Variants in C1QTNF6 observed in about 807,000 individuals in gnomAD.
C1QTNF6 encodes complement C1q tumor necrosis factor-related protein 6.
Under a neutral mutation model 20.7 loss-of-function variants are expected in C1QTNF6, and 17 were observed. The observed-to-expected ratio is 0.82, with a 90% CI of 0.56 to 1.23. C1QTNF6 has a LOEUF of 1.23. C1QTNF6 is among the 50% of genes most tolerant of loss of function. C1QTNF6 has a pLI of 0.00. For missense variants in C1QTNF6, 329 were observed against 389.7 expected, an observed-to-expected ratio of 0.84 and a Z score of 1.31; for synonymous variants, 130 against 156.3, an observed-to-expected ratio of 0.83 and a Z score of 1.25.
chr22:37,191,078 CT>C (rs918693909), upstream of C1QTNF6: 8 of 152,098 alleles, frequency 5.3e-5, no homozygotes, highest in African/African-American at 1.9e-4. Flanking sequence ...ATGATGTTTT[CT>C]TTTTCTCTGC....
At position 37,184,332 on chromosome 22, in the gene C1QTNF6, T is replaced by C. The variant is rs1439590798; in HGVS notation, c.289+886A>G. 1 of 716,500 alleles carries C rather than the reference T, an allele frequency of 1.4e-6. No homozygotes were observed. The highest frequency in any genetic ancestry group is 2.0e-5 in the Admixed American group (1 of 50,002). 44.4% of individuals were successfully genotyped at this position (716,500 alleles called of 1,614,324 possible). ...GCAAAGTGGGAGGAATAAGAAAATA[T>C]CGACCTCACGGGCTGTTGTGGGCAG... is the stretch of plus-strand genomic sequence containing the variant. On this transcript the variant is annotated intron_variant, in intron 2 of 2. Coordinates refer to ENST00000337843, the MANE Select transcript of C1QTNF6 (RefSeq NM_031910.4). This position sits in a 1 kb window ranked among gnomAD's most constrained non-coding sequence, Gnocchi z 4.0.
chr22:37,184,451 G>A lies in C1QTNF6; in HGVS notation c.289+767C>T, dbSNP rs1484354700. On this transcript the variant is annotated intron_variant, in intron 2 of 2. Coordinates refer to ENST00000337843, the MANE Select transcript of C1QTNF6 (RefSeq NM_031910.4). The surrounding 1 kb of genome is among the most constrained non-coding windows in gnomAD (Gnocchi z 4.0). ...TCCTTCCACGTCCTATTGAGAGAGC[G>A]GGTAGCCAGCCCGCACCTGGACGGC... 2.2e-5 allele frequency: 16 copies of A among 716,528 alleles called. No individual in the cohort carries two copies. The highest frequency in any genetic ancestry group is 3.4e-5 in the Non-Finnish European group (13 of 384,924). The allele number at this position is 716,528 out of a possible 1,614,324, so 44.4% of individuals were successfully genotyped here. A position where few individuals can be genotyped will look rare whatever the true frequency, so the allele number is the denominator to read the frequency against.
Position 37,182,167 on chromosome 22 carries a change from G to T in C1QTNF6, c.*21C>A. On this transcript the variant is annotated 3_prime_UTR_variant, in exon 3 of 3. Transcript: ENST00000337843. ...GGACCAGCACCTGAGCTCTCCAGCC[G>T]GGAGGGTGGCCCAGAGGCCCTCAGT... The T allele has an allele frequency of 1.3e-6, 2 of 1,593,100 alleles. No individual in the cohort carries two copies. The highest frequency in any genetic ancestry group is 1.1e-5 in the South Asian group (1 of 87,318).
At chr22:37,190,056 G>T (rs1159749521), upstream of C1QTNF6, among the ~76,000 whole-genome samples, 1 of 152,204 alleles carries the variant, frequency 6.6e-6, no homozygotes, top group Non-Finnish European at 1.5e-5. Context: ...AAGCAGTCAA[G>T]AGATGACTGT....
chr22:37,185,350 C>T lies in C1QTNF6; in HGVS notation c.157G>A (p.Ala53Thr), dbSNP rs1325295369. 5 of 1,613,664 alleles carry T rather than the reference C, an allele frequency of 3.1e-6. No individual in the cohort carries two copies. Among genetic ancestry groups the T allele is most frequent in the Admixed American group, 3.3e-5 (2 of 59,974 alleles). The stretch of plus-strand genomic sequence containing the variant: ...TCACAGCACCGTTGGCAGCCGCTGG[C>T]CACAGCTCTGTCAAAGGTGAGCTCC... The part of the protein sequence containing the change: ...MVELTFDRAV[A>T]SGCQRCCDSE... Residue 53 changes from alanine to threonine, a missense_variant, in exon 2 of 3, where the codon GCC (alanine) becomes ACC (threonine). Ala to Thr is a moderately conservative substitution (Grantham distance 58). Transcript: ENST00000337843.
upstream of C1QTNF6, among the ~76,000 whole-genome samples, chr22:37,191,374 T>C (rs1345436073): frequency 6.6e-6 from 1 of 152,194 alleles, no homozygotes; most frequent in African/African-American, 2.4e-5. Flanking sequence ...AACATATTTA[T>C]ATAAACACAG....
At position 37,184,184 on chromosome 22, in the gene C1QTNF6, G is replaced by C. The variant is rs1601627500; in HGVS notation, c.289+1034C>G. Reference sequence around the variant, plus strand: ...CGTCCTCACCACGAAATCAGAACAAGGGCAGGCCAGGTGCCAGGTGACCAC... The same window carrying C: ...CGTCCTCACCACGAAATCAGAACAACGGCAGGCCAGGTGCCAGGTGACCAC... On this transcript the variant is annotated intron_variant, in intron 2 of 2. Coordinates refer to ENST00000337843, the MANE Select transcript of C1QTNF6 (RefSeq NM_031910.4). This position sits in a 1 kb window ranked among gnomAD's most constrained non-coding sequence, Gnocchi z 4.0. 6.6e-6 allele frequency among the ~76,000 whole-genome samples: 1 copy of C among 152,150 alleles called. No individual in the cohort carries two copies. Among genetic ancestry groups the C allele is most frequent in the South Asian group, 2.1e-4 (1 of 4,832 alleles).
chr22:37,197,238 C>G (rs572812764), intron 1 of C1QTNF6: 2 of 152,382 alleles, frequency 1.3e-5, no homozygotes, highest in South Asian at 4.1e-4. Flanking sequence ...TCTACGTGGC[C>G]CTGCCCCAGG....
At chr22:37,192,999 A>G (rs2145780723), upstream of C1QTNF6, among the ~76,000 whole-genome samples, 1 of 152,296 alleles carries the variant, frequency 6.6e-6, no homozygotes, top group South Asian at 2.1e-4. Context: ...CTGGATCCCA[A>G]AGAGAGGGAA....
At chr22:37,196,090 G>A (rs1197005919) in intron 1 of C1QTNF6, 2 of 152,222 alleles carry the variant, frequency 1.3e-5, no homozygotes, top group Non-Finnish European at 2.9e-5. Flanking sequence ...GAGTGGCTCT[G>A]GTTCTAACAC....
In C1QTNF6 at chr22:37,184,576, G is replaced by A. The variant is rs1040012579; in HGVS notation, c.289+642C>T. 196 of 671,070 alleles carry A rather than the reference G, an allele frequency of 2.9e-4. 5 individuals carry two copies. Among genetic ancestry groups the A allele is most frequent in the South Asian group, 2.9e-3 (181 of 62,022 alleles). The allele number at this position is 671,070 out of a possible 1,614,324, so 41.6% of individuals were successfully genotyped here. A position where few individuals can be genotyped will look rare whatever the true frequency, so the allele number is the denominator to read the frequency against. Reference sequence around the variant, plus strand: ...GCCCTCACCTGGACAGGCCCCACAGGGCTGCATGCTCCGACCCTCGGCCCC... The same window carrying A: ...GCCCTCACCTGGACAGGCCCCACAGAGCTGCATGCTCCGACCCTCGGCCCC... On this transcript the variant is annotated intron_variant, in intron 2 of 2. Coordinates refer to ENST00000337843, the MANE Select transcript of C1QTNF6 (RefSeq NM_031910.4). This position sits in a 1 kb window ranked among gnomAD's most constrained non-coding sequence, Gnocchi z 4.0.
In C1QTNF6 at chr22:37,182,490, C is replaced by A. The variant is rs1230926968; in HGVS notation, c.535G>T (p.Ala179Ser). The change falls in exon 3 of 3, where the codon GCG becomes TCG. Residue 179 changes from alanine to serine, a missense_variant. Transcript: ENST00000337843. ...FVNLDGCFDM[A>S]TGQFAAPLRG... ...AGGGGAGCAGCAAACTGGCCGGTCG[C>A]CATGTCAAAGCACCCATCAAGGTTC... is the stretch of plus-strand genomic sequence containing the variant. 2 of 1,614,144 alleles carry A rather than the reference C, an allele frequency of 1.2e-6. No individual in the cohort carries two copies. Among genetic ancestry groups the A allele is most frequent in the South Asian group, 2.2e-5 (2 of 91,096 alleles).
At position 37,182,470 on chromosome 22, in the gene C1QTNF6, A is replaced by G; in HGVS notation, c.555T>C (p.Ala185=). ...CFDMATGQFA[A]PLRGIYFFSL... is the part of the protein sequence containing the mutation. ...TGAAGAAGTAGATGCCACGCAGGGGAGCAGCAAACTGGCCGGTCGCCATGT... is the reference window on the plus strand; with the variant it reads ...TGAAGAAGTAGATGCCACGCAGGGGGGCAGCAAACTGGCCGGTCGCCATGT... The change falls in exon 3 of 3, where the codon GCT becomes GCC. Residue 185 remains alanine, a synonymous_variant. Coordinates refer to ENST00000337843, the MANE Select transcript of C1QTNF6 (RefSeq NM_031910.4). 6.2e-7 allele frequency: 1 copy of G among 1,614,236 alleles called. No individual in the cohort carries two copies. Among genetic ancestry groups the G allele is most frequent in the Non-Finnish European group, 8.5e-7 (1 of 1,180,044 alleles).
intron 1 of C1QTNF6, chr22:37,196,201 C>G (rs191402917): frequency 1.3e-5 from 2 of 152,424 alleles, no homozygotes; most frequent in Admixed American, 1.3e-4. Flanking sequence ...GCCATTGTTA[C>G]TGACTCACCC....
intron 2 of C1QTNF6, among the ~76,000 whole-genome samples, chr22:37,194,452 G>A (rs1013637160): frequency 4.6e-5 from 7 of 152,204 alleles, no homozygotes; most frequent in Non-Finnish European, 7.3e-5. Flanking sequence ...AGAGAGGCCA[G>A]AAGCCTGACT....
upstream of C1QTNF6, chr22:37,199,276 C>G (rs1236721298): frequency 6.6e-6 from 1 of 152,300 alleles, no homozygotes; most frequent in Non-Finnish European, 1.5e-5. Context: ...AACCCTGGTT[C>G]GTGTCTCCCT....
intron 1 of C1QTNF6, chr22:37,196,690 CGGGGAACA>C (rs760821002): frequency 6.6e-6 from 1 of 152,198 alleles, no homozygotes; most frequent in Non-Finnish European, 1.5e-5. Context: ...TGGGCATGGG[CGGGGAACA>C]ATGCCTGCAG....
intron 2 of C1QTNF6, chr22:37,183,043 G>T: frequency 3.2e-6 from 2 of 627,570 alleles, no homozygotes; most frequent in Non-Finnish European, 4.0e-6. Context: ...CCAGCAGGGA[G>T]GGTCCGACTG....
upstream of C1QTNF6, among the ~76,000 whole-genome samples, chr22:37,192,599 A>G (rs959418309): frequency 1.3e-5 from 2 of 152,244 alleles, no homozygotes; most frequent in African/African-American, 2.4e-5. Flanking sequence ...TAAAGTTTGA[A>G]GATATTTTAA....
Sources: allele counts gnomAD v4.1 joint callset (sites outside exome capture counted in the v4.1 genomes callset), GRCh38; gene constraint gnomAD v4.1.1; non-coding constraint Gnocchi (gnomAD v3.1); transcripts MANE v1.5; gene names NCBI Gene and HGNC (gene_info 2026-07-23, HGNC 2026-07-21).